NKAIN2: variants seen among roughly 807,000 people sequenced by gnomAD.
NKAIN2 encodes sodium/potassium transporting ATPase interacting 2.
In NKAIN2, 14 loss-of-function variants were observed where a neutral mutation model predicts 32.6. That is an observed-to-expected ratio of 0.43 (90% CI 0.28 to 0.67). NKAIN2 has a LOEUF of 0.67. Among genes scored for constraint, NKAIN2 ranks in the 30% least tolerant of loss-of-function variants. NKAIN2 has a pLI of 0.17. For synonymous variants in NKAIN2, 80 were observed against 87.2 expected (o/e 0.92, Z 0.46); for missense variants, 198 against 258.3 (o/e 0.77, Z 1.60).
At chr6:124,747,479 T>C (rs539601812) in intron 4 of NKAIN2, among the ~76,000 whole-genome samples, 4 of 151,780 alleles carry the variant, frequency 2.6e-5, no homozygotes, top group Non-Finnish European at 5.9e-5. Flanking sequence ...GAGCAATGGA[T>C]TTCCCCAGCT....
intron 3 of NKAIN2, among the ~76,000 whole-genome samples, chr6:124,557,004 C>T (rs1315578083): frequency 1.3e-5 from 2 of 152,118 alleles, no homozygotes; most frequent in South Asian, 2.1e-4. Context: ...TAATGTAAAA[C>T]TGTCTAAACC....
chr6:124,675,417 G>C (rs944636935), intron 4 of NKAIN2, among the ~76,000 whole-genome samples: 5 of 152,082 alleles, frequency 3.3e-5, no homozygotes, highest in Non-Finnish European at 7.4e-5. Context: ...AAATGAGCTT[G>C]TAAGTGTTCT....
At chr6:124,748,260 A>G (rs1040018158) in intron 4 of NKAIN2, among the ~76,000 whole-genome samples, 5 of 152,006 alleles carry the variant, frequency 3.3e-5, no homozygotes, top group African/African-American at 9.7e-5. Context: ...ACACAGCCCC[A>G]TTAGACTGGG....
intron 1 of NKAIN2, among the ~76,000 whole-genome samples, chr6:124,274,627 T>C (rs2114890505): frequency 6.6e-6 from 1 of 152,248 alleles, no homozygotes; most frequent in African/African-American, 2.4e-5. Context: ...GATTCCCTCA[T>C]CTGTGCAATA....
chr6:124,064,715 T>A (rs1303413275), intron 1 of NKAIN2, among the ~76,000 whole-genome samples: 1 of 152,170 alleles, frequency 6.6e-6, no homozygotes, highest in Non-Finnish European at 1.5e-5. Flanking sequence ...AATTATAGTG[T>A]CGTTTTTGTT....
chr6:124,694,402 G>A (rs1315624930), intron 4 of NKAIN2, among the ~76,000 whole-genome samples: 1 of 152,200 alleles, frequency 6.6e-6, no homozygotes, highest in South Asian at 2.1e-4. Flanking sequence ...CATAGGCAGT[G>A]TTATTTACCA....
At chr6:124,506,591 A>G (rs1211025076) in intron 3 of NKAIN2, among the ~76,000 whole-genome samples, 5 of 152,192 alleles carry the variant, frequency 3.3e-5, no homozygotes, top group Non-Finnish European at 7.4e-5. Flanking sequence ...GAGTGTTTTT[A>G]GGACAATTGC....
At chr6:124,052,737 A>G in intron 1 of NKAIN2, among the ~76,000 whole-genome samples, 1 of 152,240 alleles carries the variant, frequency 6.6e-6, no homozygotes, top group South Asian at 2.1e-4. Context: ...ACTTAAAGGT[A>G]TTCAAAGAGT....
chr6:124,119,025 T>G, intron 1 of NKAIN2, among the ~76,000 whole-genome samples: 1 of 152,144 alleles, frequency 6.6e-6, no homozygotes, highest in Middle Eastern at 3.2e-3. Context: ...ATCTAGTCTG[T>G]AACTTCTCAG....
At chr6:124,111,834 A>G (rs987611364) in intron 1 of NKAIN2, among the ~76,000 whole-genome samples, 6 of 150,750 alleles carry the variant, frequency 4.0e-5, no homozygotes, top group Admixed American at 4.0e-4. Context: ...GTTTTGTGTA[A>G]ATTTTACAGA....
chr6:124,290,316 A>G (rs1795742478), intron 2 of NKAIN2, among the ~76,000 whole-genome samples: 1 of 152,176 alleles, frequency 6.6e-6, no homozygotes, highest in Admixed American at 6.6e-5. Context: ...TAATTTTTGA[A>G]AATGAATTTT....
chr6:124,806,445 A>AT (rs1396194249), intron 5 of NKAIN2, among the ~76,000 whole-genome samples: 2 of 152,200 alleles, frequency 1.3e-5, no homozygotes, highest in Admixed American at 6.5e-5. Context: ...ATGCTGAGAG[A>AT]TTTTGTCACC....
At position 124,130,610 on chromosome 6, in the gene NKAIN2, TTA is replaced by T. The variant is rs1427669317; in HGVS notation, c.55-152393_55-152392del. ...TGGTAAGTGAATTTAATGTTTGCCC[TTA>T]TTTTTTTTTTTTTTGGTAGAATGTT... On this transcript the variant is annotated intron_variant, in intron 1 of 6. Transcript: ENST00000368417. 9.5e-5 allele frequency among the ~76,000 whole-genome samples: 9 copies of T among 94,750 alleles called. No homozygotes were observed. The East Asian group carries it at 2.4e-3, about 25-fold the overall frequency. The allele number at this position is 94,750 out of a possible 152,430, so 62.2% of individuals were successfully genotyped here.
chr6:123,860,838 C>T (rs1299768299), intron 1 of NKAIN2, among the ~76,000 whole-genome samples: 3 of 152,308 alleles, frequency 2.0e-5, no homozygotes, highest in East Asian at 3.9e-4. Flanking sequence ...TGTCATGTCT[C>T]CTTGCCTCTA....
chr6:124,386,288 T>C (rs1257223817), intron 3 of NKAIN2, among the ~76,000 whole-genome samples: 4 of 152,120 alleles, frequency 2.6e-5, no homozygotes, highest in African/African-American at 4.8e-5. Flanking sequence ...AACACTCTTA[T>C]AATAAGCAGG....
At chr6:123,922,819 T>C (rs911326411) in intron 1 of NKAIN2, among the ~76,000 whole-genome samples, 5 of 152,234 alleles carry the variant, frequency 3.3e-5, no homozygotes, top group African/African-American at 1.2e-4. Flanking sequence ...ATTGGCCTCT[T>C]CTTACTTTAT....
At chr6:124,555,915 C>G (rs1050696638) in intron 3 of NKAIN2, among the ~76,000 whole-genome samples, 6 of 152,138 alleles carry the variant, frequency 3.9e-5, no homozygotes, top group African/African-American at 1.4e-4. Context: ...CACCACACCT[C>G]TAGTCTTTAT....
intron 3 of NKAIN2, among the ~76,000 whole-genome samples, chr6:124,356,600 A>T (rs1798992416): frequency 6.6e-6 from 1 of 152,050 alleles, no homozygotes. Context: ...CGTTCCCCAC[A>T]CTCTGGTTAG....
At chr6:124,753,469 C>CT (rs980101653) in intron 4 of NKAIN2, among the ~76,000 whole-genome samples, 1 of 152,034 alleles carries the variant, frequency 6.6e-6, no homozygotes, top group African/African-American at 2.4e-5. Context: ...CACTAAGATT[C>CT]TTTTTTCATA....
Sources: allele counts gnomAD v4.1 joint callset (sites outside exome capture counted in the v4.1 genomes callset), GRCh38; gene constraint gnomAD v4.1.1; transcripts MANE v1.5; gene names NCBI Gene and HGNC (gene_info 2026-07-23, HGNC 2026-07-21).